The following ENPP4 variants were observed in gnomAD, a reference collection of about 807,000 sequenced individuals.
The protein encoded by ENPP4 is bis(5'-adenosyl)-triphosphatase ENPP4.
In ENPP4, 18 loss-of-function variants were observed where a neutral mutation model predicts 33.4. The ratio of observed to expected loss-of-function variants is 0.54; its 90% CI spans 0.37 to 0.80. The LOEUF (loss-of-function observed/expected upper bound fraction) is 0.80, where lower values mean the gene tolerates loss of function less well. Among genes scored for constraint, ENPP4 ranks in the 30% least tolerant of loss-of-function variants. ENPP4 has a pLI of 0.00. For missense variants in ENPP4, 480 were observed against 541.7 expected, an observed-to-expected ratio of 0.89 and a Z score of 1.13; for synonymous variants, 172 against 189.9, an observed-to-expected ratio of 0.91 and a Z score of 0.78.
Position 46,143,254 on chromosome 6 carries a change from ATGT to A in ENPP4, c.998-17_998-15del, listed in dbSNP as rs1162003737. ...CTAAAAAGTCTGATCTTATTGACTGATGTTGTTTTGTTCTTTTTCAGTAGGTGA... is the reference window on the plus strand; with the variant it reads ...CTAAAAAGTCTGATCTTATTGACTGATGTTTTGTTCTTTTTCAGTAGGTGA... On this transcript the variant is annotated intron_variant, in intron 3 of 3. Transcript: ENST00000321037. 6.5e-7 allele frequency: 1 copy of A among 1,540,862 alleles called. No individual in the cohort carries two copies. The highest frequency in any genetic ancestry group is 8.8e-7 in the Non-Finnish European group (1 of 1,141,874).
At position 46,143,333 on chromosome 6, in the gene ENPP4, A is replaced by G. The variant is rs1764096213; in HGVS notation, c.1055A>G (p.His352Arg). ...AGTATGCATCCATTTCTAGCTGCCCACGGACCTGCATTTCACAAAGGCTAC... is the reference window on the plus strand; with the variant it reads ...AGTATGCATCCATTTCTAGCTGCCCGCGGACCTGCATTTCACAAAGGCTAC... ...LPSMHPFLAA[H>R]GPAFHKGYKH... Residue 352 changes from histidine to arginine, a missense_variant, in exon 4 of 4, where the codon CAC (histidine) becomes CGC (arginine). By Grantham distance (29) the His-to-Arg change is conservative. Transcript: ENST00000321037. 8 of 1,609,492 alleles carry G rather than the reference A, an allele frequency of 5.0e-6. No homozygotes were observed. Among genetic ancestry groups the G allele is most frequent in the Non-Finnish European group, 6.8e-6 (8 of 1,176,524 alleles).
rs1412196178 is a variant in ENPP4 at position 46,146,013 on chromosome 6, ATAAC to A, written c.*2378_*2381del. On this transcript the variant is annotated 3_prime_UTR_variant, in exon 4 of 4. Transcript: ENST00000321037. ...AAGGTTTTGGTGTGTATTTTGTTAA[ATAAC>A]TAACATGCTGCTCTATTTTCTGGGT... The A allele has an allele frequency of 6.6e-6, 1 of 151,846 alleles. No homozygotes were observed. The highest frequency in any genetic ancestry group is 2.4e-5 in the African/African-American group (1 of 41,392). 9.4% of individuals were successfully genotyped at this position (151,846 alleles called of 1,614,324 possible). A position where few individuals can be genotyped will look rare whatever the true frequency, so the allele number is the denominator to read the frequency against.
At position 46,143,709 on chromosome 6, in the gene ENPP4, G is replaced by T; in HGVS notation, c.*69G>T. The T allele has an allele frequency of 7.2e-7, 1 of 1,383,484 alleles. No homozygotes were observed. 85.7% of individuals were successfully genotyped at this position (1,383,484 alleles called of 1,614,324 possible). A position where few individuals can be genotyped will look rare whatever the true frequency, so the allele number is the denominator to read the frequency against. ...ACTAAGAATACATCCAAAGAATAGT[G>T]TTGTAACTATGAAAAAGAATACTTT... On this transcript the variant is annotated 3_prime_UTR_variant, in exon 4 of 4. Coordinates refer to ENST00000321037, the MANE Select transcript of ENPP4 (RefSeq NM_014936.5).
intron 1 of ENPP4, among the ~76,000 whole-genome samples, chr6:46,134,125 A>G (rs1445768143): frequency 6.6e-6 from 1 of 152,188 alleles, no homozygotes; most frequent in African/African-American, 2.4e-5. Flanking sequence ...TATTCTGCCT[A>G]TCATAGTACA....
chr6:46,139,639 A>C lies in ENPP4; in HGVS notation c.56A>C (p.Asp19Ala). Residue 19 changes from aspartate (D) to alanine (A), a missense_variant, in exon 2 of 4, where the codon GAC becomes GCC. Physicochemically the swap from Asp to Ala is moderately radical, Grantham distance 126 (BLOSUM62 -2). Around this residue, in one of 3 missense-constraint regions of ENPP4, gnomAD observed 227 missense variants for 273.7 expected, o/e 0.83. Transcript: ENST00000321037. ...FSGLITGFRS[D>A]SSSSLPPKLL... The stretch of plus-strand genomic sequence containing the variant: ...GGACTTATAACTGGTTTTAGAAGTG[A>C]CTCTTCCTCTAGTTTGCCACCTAAG... 4 of 1,610,490 alleles carry C rather than the reference A, an allele frequency of 2.5e-6. No individual in the cohort carries two copies. Among genetic ancestry groups the C allele is most frequent in the Non-Finnish European group, 3.4e-6 (4 of 1,177,512 alleles).
intron 3 of ENPP4, among the ~76,000 whole-genome samples, chr6:46,142,936 T>G (rs1173861316): frequency 6.6e-6 from 1 of 151,760 alleles, no homozygotes; most frequent in Non-Finnish European, 1.5e-5. Context: ...ACCACTGTCT[T>G]TATAACTGGT....
At position 46,143,662 on chromosome 6, in the gene ENPP4, A is replaced by C; in HGVS notation, c.*22A>C. On this transcript the variant is annotated 3_prime_UTR_variant, in exon 4 of 4. Transcript: ENST00000321037. Reference sequence around the variant, plus strand: ...GTGACATGTGCTAGGGCTTATACAAAGTGTCTTTGATTAATCACAAAACTA... The same window carrying C: ...GTGACATGTGCTAGGGCTTATACAACGTGTCTTTGATTAATCACAAAACTA... The C allele has an allele frequency of 6.4e-7, 1 of 1,573,106 alleles. No individual in the cohort carries two copies. The highest frequency in any genetic ancestry group is 8.6e-7 in the Non-Finnish European group (1 of 1,157,958).
intron 1 of ENPP4, among the ~76,000 whole-genome samples, chr6:46,131,894 T>C (rs1443459617): frequency 6.6e-6 from 1 of 152,258 alleles, no homozygotes; most frequent in Non-Finnish European, 1.5e-5. Context: ...TGATTTGCAC[T>C]TCTCTGATGG....
rs1764112644 is a variant in ENPP4, at chr6:46,144,350, C to T, written c.*710C>T. On this transcript the variant is annotated 3_prime_UTR_variant, in exon 4 of 4. Coordinates refer to ENST00000321037, the MANE Select transcript of ENPP4 (RefSeq NM_014936.5). ...ATTCAGAAGAAAAGAGAGACAAGTGCTCTTCTCTCTATCTATGCTTAATGC... is the reference window on the plus strand; with the variant it reads ...ATTCAGAAGAAAAGAGAGACAAGTGTTCTTCTCTCTATCTATGCTTAATGC... 6.6e-6 allele frequency: 1 copy of T among 151,726 alleles called. No homozygotes were observed. The highest frequency in any genetic ancestry group is 6.6e-5 in the Admixed American group (1 of 15,156). 9.4% of individuals were successfully genotyped at this position (151,726 alleles called of 1,614,324 possible). A position where few individuals can be genotyped will look rare whatever the true frequency, so the allele number is the denominator to read the frequency against.
At chr6:46,135,332 CTTG>C (rs1338889718) in intron 1 of ENPP4, among the ~76,000 whole-genome samples, 1 of 151,966 alleles carries the variant, frequency 6.6e-6, no homozygotes, top group Non-Finnish European at 1.5e-5. Flanking sequence ...TCTATCAACA[CTTG>C]TTGTTATCTA....
intron 1 of ENPP4, among the ~76,000 whole-genome samples, chr6:46,132,970 AG>A (rs1763923925): frequency 6.6e-6 from 1 of 151,982 alleles, no homozygotes; most frequent in Admixed American, 6.6e-5. Flanking sequence ...TTGATGTATA[AG>A]AATGCTTGTG....
chr6:46,140,967 A>G lies in ENPP4; in HGVS notation c.827-85A>G, dbSNP rs902928622. 4 of 818,078 alleles carry G rather than the reference A, an allele frequency of 4.9e-6. No homozygotes were observed. The African/African-American group carries it at 7.0e-5, about 14-fold the overall frequency. The allele number at this position is 818,078 out of a possible 1,614,324, so 50.7% of individuals were successfully genotyped here. On this transcript the variant is annotated intron_variant, in intron 2 of 3. Transcript: ENST00000321037. ...GATTTAATAGATGACATTATCTATA[A>G]TTTACTTCCAATTATTCTAGTTAGA...
chr6:46,139,861 T>C lies in ENPP4; in HGVS notation c.278T>C (p.Met93Thr). 2 of 1,612,746 alleles carry C rather than the reference T, an allele frequency of 1.2e-6. No homozygotes were observed. The highest frequency in any genetic ancestry group is 1.1e-5 in the South Asian group (1 of 91,064). The stretch of plus-strand genomic sequence containing the variant: ...AGCCATGGCATTGTGGCTAATTCCA[T>C]GTATGATGCAGTCACAAAGAAACAC... Reference protein sequence around the residue: ...EESHGIVANSMYDAVTKKHFS... With the variant: ...EESHGIVANSTYDAVTKKHFS... The change falls in exon 2 of 4, where the codon ATG becomes ACG. Residue 93 changes from methionine (M) to threonine (T), a missense_variant. By Grantham distance (81) the Met-to-Thr change is moderately conservative. Transcript: ENST00000321037.
chr6:46,132,360 G>A (rs1763912944), intron 1 of ENPP4, among the ~76,000 whole-genome samples: 1 of 152,192 alleles, frequency 6.6e-6, no homozygotes, highest in Admixed American at 6.5e-5. Flanking sequence ...TCCAGTTTCA[G>A]CTTTCTACAT....
chr6:46,142,157 C>T (rs1764070756), intron 3 of ENPP4, among the ~76,000 whole-genome samples: 1 of 151,088 alleles, frequency 6.6e-6, no homozygotes, highest in South Asian at 2.1e-4. Flanking sequence ...TGTTATGTTG[C>T]ATATTTGTTG....
intron 1 of ENPP4, among the ~76,000 whole-genome samples, chr6:46,137,679 GTCTT>G (rs1763996135): frequency 6.6e-6 from 1 of 151,868 alleles, no homozygotes; most frequent in South Asian, 2.1e-4. Context: ...TTGTTACTCT[GTCTT>G]TTGGAGAGGT....
chr6:46,131,203 C>T (rs1763890966), intron 1 of ENPP4, among the ~76,000 whole-genome samples: 1 of 152,018 alleles, frequency 6.6e-6, no homozygotes, highest in African/African-American at 2.4e-5. Context: ...TACATGTGCA[C>T]AATGTGCAGG....
chr6:46,139,410 T>A (rs1562059966), intron 1 of ENPP4, 141 bp from the exon 2 acceptor site: 1 of 520,122 alleles, frequency 1.9e-6, no homozygotes, highest in East Asian at 3.3e-5. Flanking sequence ...TTAGTTATTT[T>A]TAAATAAATG....
chr6:46,143,476 T>A lies in ENPP4; in HGVS notation c.1198T>A (p.Trp400Arg). ...TACTAAGTGCTTGTTAGTTGACCAG[T>A]GGTGCATTAATCTCCCAGAAGCCAT... ...GHTKCLLVDQ[W>R]CINLPEAIAI... The change falls in exon 4 of 4, where the codon TGG becomes AGG. Residue 400 changes from tryptophan to arginine, a missense_variant. Physicochemically the swap from Trp to Arg is moderately radical, Grantham distance 101 (BLOSUM62 -3). Transcript: ENST00000321037. 6.2e-7 allele frequency: 1 copy of A among 1,612,830 alleles called. No individual in the cohort carries two copies. Among genetic ancestry groups the A allele is most frequent in the Non-Finnish European group, 8.5e-7 (1 of 1,179,098 alleles).
Sources: gnomAD v4.1 joint callset for allele counts (sites outside exome capture counted in the v4.1 genomes callset) on GRCh38, gnomAD v4.1.1 for gene constraint, gnomAD v4.1.1 regional missense constraint, MANE v1.5 for transcripts, NCBI Gene and HGNC (gene_info 2026-07-23, HGNC 2026-07-21) for gene names.